LRP2: variants seen among roughly 807,000 people sequenced by gnomAD.
LRP2 encodes the protein low-density lipoprotein receptor-related protein 2.
A neutral mutation model predicts 531.0 loss-of-function variants in LRP2; 172 were observed. The observed-to-expected ratio is 0.32, with a 90% CI of 0.29 to 0.37. The LOEUF is 0.37. Among genes scored for constraint, LRP2 ranks in the 10% least tolerant of loss-of-function variants. The pLI, the probability that LRP2 is intolerant of heterozygous loss-of-function variation, is 1.00. For missense variants in LRP2, 5,167 were observed against 5,868.3 expected (o/e 0.88, Z 3.90); for synonymous variants, 1,992 against 2,027.6 (o/e 0.98, Z 0.47).
intron 53 of LRP2, 33 bp downstream of exon 53, chr2:169,177,770 C>T: frequency 6.3e-7 from 1 of 1,582,420 alleles, no homozygotes. Context: ...TAACCCAAGG[C>T]AACCTTGCCA....
chr2:169,287,866 T>TTAATATTTTAATAATATTAAAATAA (rs1683901430), intron 9 of LRP2, among the ~76,000 whole-genome samples: 1 of 125,306 alleles, frequency 8.0e-6, no homozygotes, highest in Admixed American at 7.9e-5. Context: ...TATTAAAATT[T>TTAATATTTTAATAATATTAAAATAA]TAATATTTTA....
At chr2:169,285,903 C>G (rs916803496) in intron 9 of LRP2, among the ~76,000 whole-genome samples, 1 of 152,134 alleles carries the variant, frequency 6.6e-6, no homozygotes, top group Non-Finnish European at 1.5e-5. Flanking sequence ...GGAGCCATGT[C>G]TAAGATAATA....
intron 52 of LRP2, among the ~76,000 whole-genome samples, chr2:169,180,341 G>T (rs894404745): frequency 6.6e-6 from 1 of 152,172 alleles, no homozygotes; most frequent in African/African-American, 2.4e-5. Context: ...CATCAAAATG[G>T]TATAAGTAAA....
At position 169,277,944 on chromosome 2, in the gene LRP2, A is replaced by G; in HGVS notation, c.1573T>C (p.Phe525Leu). The G allele has an allele frequency of 6.2e-7, 1 of 1,613,188 alleles. No homozygotes were observed. Among genetic ancestry groups the G allele is most frequent in the Non-Finnish European group, 8.5e-7 (1 of 1,179,214 alleles). ...GAAAGGCTCTCCCAATCTGAGAAAAATAAATAACTACAAAAGAAAAACAGA... is the reference window on the plus strand; with the variant it reads ...GAAAGGCTCTCCCAATCTGAGAAAAGTAAATAACTACAAAAGAAAAACAGA... Reference protein sequence around the residue: ...IAVDPTVGYLFFSDWESLSGE... With the variant: ...IAVDPTVGYLLFSDWESLSGE... Residue 525 changes from phenylalanine to leucine, a missense_variant, in exon 13 of 79, where the codon TTT becomes CTT. By Grantham distance (22) the Phe-to-Leu change is conservative. Coordinates refer to ENST00000649046, the MANE Select transcript of LRP2 (RefSeq NM_004525.3).
chr2:169,179,342 A>G (rs1159408709), intron 52 of LRP2, among the ~76,000 whole-genome samples: 2 of 152,148 alleles, frequency 1.3e-5, no homozygotes, highest in Non-Finnish European at 2.9e-5. Context: ...TAGACCAGAA[A>G]GTAGTCCTGA....
intron 52 of LRP2, among the ~76,000 whole-genome samples, chr2:169,179,692 C>T (rs1687353482): frequency 6.7e-6 from 1 of 149,512 alleles, no homozygotes; most frequent in Non-Finnish European, 1.5e-5. Flanking sequence ...CGCACTTCAG[C>T]CTGGGCAACA....
rs1233646026 is a variant in LRP2, at chr2:169,212,073, A to G, written c.6175T>C (p.Ser2059Pro). 1.9e-6 allele frequency: 3 copies of G among 1,613,940 alleles called. No homozygotes were observed. The highest frequency in any genetic ancestry group is 1.6e-4 in the Middle Eastern group (1 of 6,082). ...ACAACAATGAAAGAGTTATATGGAG[A>G]GCAGGACCGATTATCAGGATTGAGT... ...FKLNPDNRSC[S>P]PYNSFIVVSM... Residue 2059 changes from serine to proline, a missense_variant, in exon 37 of 79, where the codon TCT becomes CCT. Physicochemically the swap from Ser to Pro is moderately conservative, Grantham distance 74 (BLOSUM62 -1). This residue lies in a region of LRP2 where 2,811 missense variants were observed against 3,058.0 expected (regional missense o/e 0.92). Transcript: ENST00000649046.
intron 9 of LRP2, among the ~76,000 whole-genome samples, chr2:169,284,255 T>C (rs1683782980): frequency 3.8e-5 from 2 of 52,298 alleles, no homozygotes; most frequent in African/African-American, 5.8e-5. Context: ...TTCTTTTTTT[T>C]CTTTTTTTTT....
chr2:169,356,854 G>T (rs1393930031), intron 1 of LRP2, among the ~76,000 whole-genome samples: 1 of 152,154 alleles, frequency 6.6e-6, no homozygotes, highest in East Asian at 1.9e-4. Context: ...TTAGGAATGA[G>T]TCAATGACTA....
chr2:169,314,799 G>A (rs1194836899), intron 3 of LRP2, among the ~76,000 whole-genome samples: 3 of 152,138 alleles, frequency 2.0e-5, no homozygotes, highest in African/African-American at 7.2e-5. Context: ...TCTGCCCATG[G>A]CAGAGACACA....
Position 169,169,778 on chromosome 2 carries a change from A to T in LRP2, c.11421T>A (p.Ser3807Arg). 1.2e-6 allele frequency: 2 copies of T among 1,613,942 alleles called. No individual in the cohort carries two copies. The highest frequency in any genetic ancestry group is 1.7e-6 in the Non-Finnish European group (2 of 1,179,796). The part of the protein sequence containing the change: ...TCHPEYFQCT[S>R]GHCVHSELKC... ...TCAGTTCACTGTGTACACAATGTCCACTTGTACACTGAAAATATTCAGGAT... is the reference window on the plus strand; with the variant it reads ...TCAGTTCACTGTGTACACAATGTCCTCTTGTACACTGAAAATATTCAGGAT... Residue 3807 changes from serine to arginine, a missense_variant, in exon 60 of 79, where the codon AGT becomes AGA. Transcript: ENST00000649046.
intron 1 of LRP2, among the ~76,000 whole-genome samples, chr2:169,348,245 A>G (rs1419088133): frequency 6.6e-6 from 1 of 152,164 alleles, no homozygotes. Flanking sequence ...CTACTCATCT[A>G]TGTGTGGAAT....
chr2:169,234,471 T>C (rs774929847), intron 29 of LRP2, among the ~76,000 whole-genome samples: 1 of 152,274 alleles, frequency 6.6e-6, no homozygotes, highest in Non-Finnish European at 1.5e-5. Flanking sequence ...GCAAAGGACA[T>C]GAACTCATTC....
chr2:169,277,802 T>C lies in LRP2; in HGVS notation c.1715A>G (p.Tyr572Cys). The C allele has an allele frequency of 6.2e-7, 1 of 1,614,146 alleles. No individual in the cohort carries two copies. The highest frequency in any genetic ancestry group is 8.5e-7 in the Non-Finnish European group (1 of 1,180,016). The stretch of plus-strand genomic sequence containing the variant: ...GTAATCAAACCGAGAGTCAACCCAG[T>C]AAACACGCTTCGATATCATATCCAG... ...VTLDMISKRVYWVDSRFDYIE... is the reference protein window; with the variant it reads ...VTLDMISKRVCWVDSRFDYIE... Residue 572 changes from tyrosine to cysteine, a missense_variant, in exon 13 of 79, where the codon TAC (tyrosine) becomes TGC (cysteine). Tyr to Cys is a radical substitution (Grantham distance 194). Around this residue, in one of 6 missense-constraint regions of LRP2, gnomAD observed 2,811 missense variants for 3,058.0 expected, o/e 0.92. Transcript: ENST00000649046.
chr2:169,213,113 T>C (rs951759127), intron 36 of LRP2, among the ~76,000 whole-genome samples: 9 of 152,152 alleles, frequency 5.9e-5, no homozygotes, highest in Non-Finnish European at 8.8e-5. Flanking sequence ...ATCATACCAC[T>C]AATTTAAAGG....
Position 169,197,036 on chromosome 2 carries a change from G to C in LRP2, c.8579-6C>G. The C allele has an allele frequency of 1.2e-6, 2 of 1,613,494 alleles. No individual in the cohort carries two copies. The highest frequency in any genetic ancestry group is 1.7e-6 in the Non-Finnish European group (2 of 1,179,924). ...GCTGCTGCACGTGTGAGTGGCTGCA[G>C]GAGGGAAAGAAGATAAAACCCATGA... is the stretch of plus-strand genomic sequence containing the variant. On this transcript the variant is annotated splice_polypyrimidine_tract_variant and splice_region_variant and intron_variant, in intron 45 of 78. Coordinates refer to ENST00000649046, the MANE Select transcript of LRP2 (RefSeq NM_004525.3).
chr2:169,320,726 A>T (rs1347842338), intron 2 of LRP2, 51 bp downstream of exon 2: 2 of 1,414,156 alleles, frequency 1.4e-6, no homozygotes, highest in East Asian at 2.3e-5. Context: ...AATCACCAGG[A>T]AGCACTTAGG....
chr2:169,251,668 C>T (rs1445686064), intron 19 of LRP2, among the ~76,000 whole-genome samples: 1 of 76,626 alleles, frequency 1.3e-5, no homozygotes, highest in Non-Finnish European at 2.3e-5. Context: ...AATAGAGGCA[C>T]AAAAAACCCT....
At chr2:169,182,043 G>A in intron 51 of LRP2, 124 bp downstream of exon 51, 4 of 1,243,376 alleles carry the variant, frequency 3.2e-6, no homozygotes, top group Non-Finnish European at 4.7e-6. Context: ...TTACCAAGTA[G>A]GAAAAGCAGA....
Sources: allele counts gnomAD v4.1 joint callset (sites outside exome capture counted in the v4.1 genomes callset), GRCh38; gene constraint gnomAD v4.1.1; regional missense constraint gnomAD v4.1.1; transcripts MANE v1.5; gene names NCBI Gene and HGNC (gene_info 2026-07-23, HGNC 2026-07-21).